Variants in ARHGEF3 observed in about 807,000 individuals in gnomAD.
ARHGEF3 encodes the protein 59.8 kDA protein.
In ARHGEF3, 28 loss-of-function variants were observed where a neutral mutation model predicts 63.2. The ratio of observed to expected loss-of-function variants is 0.44; its 90% CI spans 0.33 to 0.61. The LOEUF (loss-of-function observed/expected upper bound fraction) is 0.61. Ranked by LOEUF, ARHGEF3 falls within the 20% of genes least tolerant of loss-of-function variation. The pLI is 0.03. For synonymous variants in ARHGEF3, 266 were observed against 254.2 expected (o/e 1.05, Z -0.44); for missense variants, 533 against 659.3 (o/e 0.81, Z 2.10).
intron 4 of ARHGEF3, among the ~76,000 whole-genome samples, chr3:56,840,487 C>T (rs548782782): frequency 2.6e-5 from 4 of 152,202 alleles, no homozygotes; most frequent in Non-Finnish European, 5.9e-5. Flanking sequence ...ATCTCTATTA[C>T]AACATGCATT....
intron 2 of ARHGEF3, among the ~76,000 whole-genome samples, chr3:56,993,845 A>G (rs1304099464): frequency 6.6e-6 from 1 of 151,174 alleles, no homozygotes. Context: ...AGGTAGGTGG[A>G]TGAGGTCAGA....
At chr3:57,012,478 C>T (rs186062158) in intron 2 of ARHGEF3, among the ~76,000 whole-genome samples, 318 of 152,238 alleles carry the variant, frequency 2.1e-3, no homozygotes, top group Non-Finnish European at 3.6e-3. Flanking sequence ...AAGTTGGTCT[C>T]GAACTGCTGA....
intron 4 of ARHGEF3, among the ~76,000 whole-genome samples, chr3:56,855,988 C>G (rs577235870): frequency 6.6e-6 from 1 of 152,316 alleles, no homozygotes; most frequent in East Asian, 1.9e-4. Context: ...GGCTTCTTTT[C>G]TTTTCCTGGT....
chr3:56,795,937 G>A (rs949006753), intron 1 of ARHGEF3, among the ~76,000 whole-genome samples: 33 of 151,094 alleles, frequency 2.2e-4, no homozygotes, highest in African/African-American at 7.1e-4. Context: ...CACTGGGCAT[G>A]ACACAGCCTC....
chr3:56,747,066 G>C lies in ARHGEF3; in HGVS notation c.613-1604C>G, dbSNP rs201778880. Among the ~76,000 whole-genome samples the C allele has an allele frequency of 3.0e-3, 146 of 48,814 alleles. No homozygotes were observed. The East Asian group carries it at 0.036, about 12-fold the overall frequency. The allele number at this position is 48,814 out of a possible 152,430, so 32.0% of individuals were successfully genotyped here. A position where few individuals can be genotyped will look rare whatever the true frequency, so the allele number is the denominator to read the frequency against. On this transcript the variant is annotated intron_variant, in intron 6 of 9. Coordinates refer to ENST00000296315, the MANE Select transcript of ARHGEF3 (RefSeq NM_019555.3). ...TTATACATGCGCGCACACACACACA[G>C]AGAGAGAGAGAGAGAGAGAGAGAGA...
At chr3:56,843,115 A>G (rs534086764) in intron 4 of ARHGEF3, among the ~76,000 whole-genome samples, 1 of 152,208 alleles carries the variant, frequency 6.6e-6, no homozygotes, top group South Asian at 2.1e-4. Context: ...GTTTTAACTC[A>G]GAATCAATTT....
At chr3:56,815,449 C>T (rs1481999814) in intron 4 of ARHGEF3, among the ~76,000 whole-genome samples, 1 of 152,172 alleles carries the variant, frequency 6.6e-6, no homozygotes, top group African/African-American at 2.4e-5. Context: ...GTATAGGCAG[C>T]CCACATTTTG....
chr3:57,027,939 T>C (rs1703543269), intron 2 of ARHGEF3, among the ~76,000 whole-genome samples: 1 of 152,192 alleles, frequency 6.6e-6, no homozygotes, highest in Non-Finnish European at 1.5e-5. Flanking sequence ...TAGAACCCTT[T>C]TTCCCTCATC....
At chr3:56,924,710 C>T (rs901361022) in intron 3 of ARHGEF3, among the ~76,000 whole-genome samples, 7 of 152,166 alleles carry the variant, frequency 4.6e-5, no homozygotes, top group African/African-American at 1.2e-4. Context: ...AGGTCACTCT[C>T]GTTGCCATCT....
intron 2 of ARHGEF3, among the ~76,000 whole-genome samples, chr3:56,983,652 T>C (rs1701415249): frequency 6.6e-6 from 1 of 152,202 alleles, no homozygotes; most frequent in African/African-American, 2.4e-5. Context: ...TAAAACTGAC[T>C]ATCAGCCGGA....
At chr3:56,902,093 C>T (rs2108311415) in intron 3 of ARHGEF3, among the ~76,000 whole-genome samples, 1 of 152,270 alleles carries the variant, frequency 6.6e-6, no homozygotes, top group Admixed American at 6.5e-5. Flanking sequence ...ACTAAACAGA[C>T]CACAAAAAGG....
intron 4 of ARHGEF3, among the ~76,000 whole-genome samples, chr3:56,856,708 GT>G (rs55803652): frequency 0.37 from 51,608 of 138,048 alleles, 10,405 homozygotes; most frequent in Non-Finnish European, 0.46. Flanking sequence ...GAGGTTTTTT[GT>G]TTTTTTTTTT....
At chr3:56,974,916 T>G (rs538116142) in intron 2 of ARHGEF3, among the ~76,000 whole-genome samples, 9 of 152,144 alleles carry the variant, frequency 5.9e-5, no homozygotes, top group African/African-American at 1.9e-4. Context: ...CAGGACTCCT[T>G]GTTTGTGCTC....
intron 2 of ARHGEF3, among the ~76,000 whole-genome samples, chr3:56,995,369 G>A (rs1560116236): frequency 1.3e-5 from 2 of 151,970 alleles, no homozygotes; most frequent in South Asian, 4.1e-4. Context: ...TTGTATCAAA[G>A]AGTAATGTGA....
chr3:56,753,056 C>T (rs186572284), intron 4 of ARHGEF3, among the ~76,000 whole-genome samples: 136 of 152,302 alleles, frequency 8.9e-4, no homozygotes, highest in African/African-American at 3.3e-3. Context: ...AAACAAATTC[C>T]TATATAAAAG....
chr3:56,947,707 C>G (rs12634809), intron 3 of ARHGEF3, among the ~76,000 whole-genome samples: 1 of 151,946 alleles, frequency 6.6e-6, no homozygotes, highest in African/African-American at 2.4e-5. Flanking sequence ...CTGTCAACAT[C>G]AGACAGATCA....
intron 2 of ARHGEF3, chr3:57,035,040 C>T (rs1347476963): frequency 6.2e-6 from 9 of 1,445,126 alleles, no homozygotes; most frequent in Non-Finnish European, 8.4e-6. Context: ...TTGTTGCATA[C>T]AGGAATTTTA....
At chr3:56,870,784 T>TA (rs34074115) in intron 4 of ARHGEF3, among the ~76,000 whole-genome samples, 25 of 148,524 alleles carry the variant, frequency 1.7e-4, no homozygotes, top group South Asian at 4.3e-4. Flanking sequence ...AAAACTGCTC[T>TA]AAAAAAAAAA....
At chr3:56,970,433 C>T (rs563876674) in intron 2 of ARHGEF3, among the ~76,000 whole-genome samples, 10 of 152,098 alleles carry the variant, frequency 6.6e-5, no homozygotes, top group Admixed American at 2.0e-4. Flanking sequence ...TTGATGGAAG[C>T]GGCTTAGTGG....
Sources: allele counts gnomAD v4.1 joint callset (sites outside exome capture counted in the v4.1 genomes callset), GRCh38; gene constraint gnomAD v4.1.1; transcripts MANE v1.5; gene names NCBI Gene and HGNC (gene_info 2026-07-23, HGNC 2026-07-21).